Variants in OR7A17 observed in about 807,000 individuals in gnomAD.
The protein encoded by OR7A17 is olfactory receptor 7A17.
For synonymous variants in OR7A17, 159 were observed against 142.1 expected, an observed-to-expected ratio of 1.12 and a Z score of -0.85; for missense variants, 366 against 365.5, an observed-to-expected ratio of 1.00 and a Z score of -0.01.
Position 14,881,085 on chromosome 19 carries a change from C to T in OR7A17, c.271G>A (p.Val91Ile), listed in dbSNP as rs775164095. 2 of 1,614,174 alleles carry T rather than the reference C, an allele frequency of 1.2e-6. No individual in the cohort carries two copies. Among genetic ancestry groups the T allele is most frequent in the East Asian group, 4.5e-5 (2 of 44,882 alleles). Residue 91 changes from valine to isoleucine, a missense_variant, in exon 3 of 3, where the codon GTC becomes ATC. Physicochemically the swap from Val to Ile is conservative, Grantham distance 29. Coordinates refer to ENST00000641113, the MANE Select transcript of OR7A17 (RefSeq NM_030901.2). ...MLINIQTQSR[V>I]ITYAGCITQM... ...GTGATGCAGCCTGCATAGGTGATGACTCTGCTCTGTGTCTGGATGTTAATG... is the reference window on the plus strand; with the variant it reads ...GTGATGCAGCCTGCATAGGTGATGATTCTGCTCTGTGTCTGGATGTTAATG...
At chr19:14,885,487 A>G (rs2045131762) in intron 1 of OR7A17, among the ~76,000 whole-genome samples, 1 of 152,122 alleles carries the variant, frequency 6.6e-6, no homozygotes, top group South Asian at 2.1e-4. Flanking sequence ...GCAATAATAG[A>G]CAGAGAGCCA....
At chr19:14,882,199 G>T (rs1464986117) in intron 1 of OR7A17, among the ~76,000 whole-genome samples, 1 of 152,048 alleles carries the variant, frequency 6.6e-6, no homozygotes. Flanking sequence ...GATGTTCAGG[G>T]TACTGTATAG....
At position 14,881,379 on chromosome 19, in the gene OR7A17, T is replaced by C; in HGVS notation, c.-24A>G. The stretch of plus-strand genomic sequence containing the variant: ...ATCTTTTTTTTTCTATTTATTTATT[T>C]ATTTATTTATTTATTTATTTATTTA... On this transcript the variant is annotated 5_prime_UTR_variant, in exon 3 of 3. It adds an upstream start codon to the 5' untranslated region. Coordinates refer to ENST00000641113, the MANE Select transcript of OR7A17 (RefSeq NM_030901.2). The C allele has an allele frequency of 9.5e-7, 1 of 1,053,016 alleles. No individual in the cohort carries two copies. The highest frequency in any genetic ancestry group is 1.2e-6 in the Non-Finnish European group (1 of 836,794). The allele number at this position is 1,053,016 out of a possible 1,614,324, so 65.2% of individuals were successfully genotyped here.
Position 14,880,796 on chromosome 19 carries a change from A to G in OR7A17, c.560T>C (p.Leu187Pro). ...FFCELNQVIH[L>P]ACSDTFLNDM... ...ATTAAGAAAGGTGTCAGAACAGGCA[A>G]GGTGGATGACCTGATTAAGTTCACA... The change falls in exon 3 of 3, where the codon CTT becomes CCT. Residue 187 changes from leucine to proline, a missense_variant. Coordinates refer to ENST00000641113, the MANE Select transcript of OR7A17 (RefSeq NM_030901.2). 6.2e-7 allele frequency: 1 copy of G among 1,614,246 alleles called. No homozygotes were observed. The highest frequency in any genetic ancestry group is 1.3e-5 in the African/African-American group (1 of 75,064).
chr19:14,883,845 G>T (rs542240428), intron 1 of OR7A17, among the ~76,000 whole-genome samples: 2 of 152,164 alleles, frequency 1.3e-5, no homozygotes, highest in Non-Finnish European at 2.9e-5. Flanking sequence ...AAATGATTTA[G>T]TTTATTGGCA....
In OR7A17 at chr19:14,881,403, T is replaced by TATTA. The variant is rs761463156; in HGVS notation, c.-52_-49dup. 2.9e-5 allele frequency: 30 copies of TATTA among 1,037,322 alleles called. No homozygotes were observed. In the South Asian group the frequency reaches 3.1e-4, roughly 11 times the overall value. The allele number at this position is 1,037,322 out of a possible 1,614,324, so 64.3% of individuals were successfully genotyped here. On this transcript the variant is annotated 5_prime_UTR_variant, in exon 3 of 3. An upstream open reading frame in the 5' UTR loses its in-frame stop. Transcript: ENST00000641113. Reference sequence around the variant, plus strand: ...TTATTTATTTATTTATTTATTTATTTATTAACATAGACAGGGTCTCTCACT... The same window carrying TATTA: ...TTATTTATTTATTTATTTATTTATTTATTAATTAACATAGACAGGGTCTCTCACT...
rs758462262 is a variant in OR7A17 at position 14,880,797 on chromosome 19, G to A, written c.559C>T (p.Leu187Phe). The stretch of plus-strand genomic sequence containing the variant: ...TTAAGAAAGGTGTCAGAACAGGCAA[G>A]GTGGATGACCTGATTAAGTTCACAG... ...FFCELNQVIH[L>F]ACSDTFLNDM... Residue 187 changes from leucine to phenylalanine, a missense_variant, in exon 3 of 3, where the codon CTT (leucine) becomes TTT (phenylalanine). Coordinates refer to ENST00000641113, the MANE Select transcript of OR7A17 (RefSeq NM_030901.2). 6.2e-7 allele frequency: 1 copy of A among 1,614,098 alleles called. No homozygotes were observed. The highest frequency in any genetic ancestry group is 1.3e-5 in the African/African-American group (1 of 74,938).
chr19:14,880,610 G>A lies in OR7A17; in HGVS notation c.746C>T (p.Ser249Phe), dbSNP rs2045102850. The A allele has an allele frequency of 1.9e-6, 3 of 1,614,178 alleles. No homozygotes were observed. Among genetic ancestry groups the A allele is most frequent in the African/African-American group, 2.7e-5 (2 of 75,044 alleles). The part of the protein sequence containing the change: ...STCASHLSVV[S>F]LFCCTGLGVY... ...ACCTAGGCCCGTACAACAAAATAAA[G>A]AGACAACTGAGAGGTGTGATGCACA... Residue 249 changes from serine to phenylalanine, a missense_variant, in exon 3 of 3, where the codon TCT becomes TTT. By Grantham distance (155) the Ser-to-Phe change is radical (BLOSUM62 -2). Coordinates refer to ENST00000641113, the MANE Select transcript of OR7A17 (RefSeq NM_030901.2).
Position 14,880,308 on chromosome 19 carries a change from C to T in OR7A17, c.*118G>A. 2.6e-6 allele frequency: 2 copies of T among 761,740 alleles called. No individual in the cohort carries two copies. The highest frequency in any genetic ancestry group is 4.0e-6 in the Non-Finnish European group (2 of 503,072). 47.2% of individuals were successfully genotyped at this position (761,740 alleles called of 1,614,324 possible). ...TCAGTTGAGATCAAAGAAATTGAAA[C>T]TCTGAGAAAAAATAGAAGGAGCAAA... On this transcript the variant is annotated 3_prime_UTR_variant, in exon 3 of 3. Coordinates refer to ENST00000641113, the MANE Select transcript of OR7A17 (RefSeq NM_030901.2).
Position 14,880,284 on chromosome 19 carries a change from C to G in OR7A17, c.*142G>C. On this transcript the variant is annotated 3_prime_UTR_variant, in exon 3 of 3. Transcript: ENST00000641113. The stretch of plus-strand genomic sequence containing the variant: ...TAAAGGAATACATTAAATTCTATGT[C>G]AGTTGAGATCAAAGAAATTGAAACT... 1.8e-6 allele frequency: 1 copy of G among 567,302 alleles called. No individual in the cohort carries two copies. The highest frequency in any genetic ancestry group is 3.0e-6 in the Non-Finnish European group (1 of 336,282). 35.1% of individuals were successfully genotyped at this position (567,302 alleles called of 1,614,324 possible).
In OR7A17 at chr19:14,881,411, TAGAC is replaced by T. The variant is rs1215868778; in HGVS notation, c.-60_-57del. ...TTATTTATTTATTTATTTATTAACA[TAGAC>T]AGGGTCTCTCACTCTGTTGCCAACG... On this transcript the variant is annotated 5_prime_UTR_variant, in exon 3 of 3. The change abolishes the stop of an existing upstream ORF in the 5' untranslated region. Coordinates refer to ENST00000641113, the MANE Select transcript of OR7A17 (RefSeq NM_030901.2). 17 of 996,880 alleles carry T rather than the reference TAGAC, an allele frequency of 1.7e-5. No homozygotes were observed. The highest frequency in any genetic ancestry group is 4.0e-5 in the African/African-American group (2 of 49,892). 61.8% of individuals were successfully genotyped at this position (996,880 alleles called of 1,614,324 possible).
chr19:14,884,754 C>T (rs73011259), intron 1 of OR7A17: 8,030 of 152,186 alleles, frequency 0.053, 344 homozygotes, highest in African/African-American at 0.11. Context: ...AAAAGAGGGA[C>T]TCCTCCCCAG....
intron 1 of OR7A17, among the ~76,000 whole-genome samples, chr19:14,883,635 A>G (rs1179059152): frequency 6.6e-6 from 1 of 152,148 alleles, no homozygotes. Context: ...TTAAGTTTGT[A>G]TTTTCACAAA....
At position 14,879,449 on chromosome 19, in the gene OR7A17, C is replaced by G. The variant is rs62124861; in HGVS notation, c.*977G>C. The G allele has an allele frequency of 0.38, 57,350 of 151,778 alleles. 12,507 individuals carry two copies. Among genetic ancestry groups the G allele is most frequent in the East Asian group, 0.64 (3,193 of 5,014 alleles). The allele number at this position is 151,778 out of a possible 1,614,324, so 9.4% of individuals were successfully genotyped here. A position where few individuals can be genotyped will look rare whatever the true frequency, so the allele number is the denominator to read the frequency against. Reference sequence around the variant, plus strand: ...GCTAATTTTGTATTTTTGGTAGAGACGGGGTTTCTCCCTGTTGGTCAGCCT... The same window carrying G: ...GCTAATTTTGTATTTTTGGTAGAGAGGGGGTTTCTCCCTGTTGGTCAGCCT... On this transcript the variant is annotated 3_prime_UTR_variant, in exon 3 of 3. Transcript: ENST00000641113.
At chr19:14,884,717 CCTT>C (rs557492225) in intron 1 of OR7A17, 2 of 152,158 alleles carry the variant, frequency 1.3e-5, no homozygotes, top group Non-Finnish European at 2.9e-5. Flanking sequence ...TGGTATCACT[CCTT>C]CTGAAACGAT....
At position 14,881,325 on chromosome 19, in the gene OR7A17, C is replaced by G. The variant is rs1404293575; in HGVS notation, c.31G>C (p.Glu11Gln). The change falls in exon 3 of 3, where the codon GAA (glutamate) becomes CAA (glutamine). Residue 11 changes from glutamate (E) to glutamine (Q), a missense_variant. Coordinates refer to ENST00000641113, the MANE Select transcript of OR7A17 (RefSeq NM_030901.2). ...TCAGAAAGTCCCAGAAGAACAAATT[C>G]TGAAATCCCTGTGTCATTCTCTGGT... is the stretch of plus-strand genomic sequence containing the variant. MEPENDTGIS[E>Q]FVLLGLSEEP... 6.4e-7 allele frequency: 1 copy of G among 1,571,228 alleles called. No individual in the cohort carries two copies. Among genetic ancestry groups the G allele is most frequent in the Non-Finnish European group, 8.6e-7 (1 of 1,157,380 alleles).
chr19:14,880,919 A>C lies in OR7A17; in HGVS notation c.437T>G (p.Leu146Arg), dbSNP rs1482888436. The C allele has an allele frequency of 1.9e-6, 3 of 1,614,088 alleles. No individual in the cohort carries two copies. The highest frequency in any genetic ancestry group is 2.5e-6 in the Non-Finnish European group (3 of 1,180,030). The change falls in exon 3 of 3, where the codon CTG (leucine) becomes CGG (arginine). Residue 146 changes from leucine to arginine, a missense_variant. Leu to Arg is a moderately radical substitution (Grantham distance 102). Transcript: ENST00000641113. ...CAGGGCAGCAATCATCCAGGATGCC[A>C]GAACCAGGAGTCCACAGAGCCGAGG... ...MNPRLCGLLV[L>R]ASWMIAALNS...
intron 1 of OR7A17, among the ~76,000 whole-genome samples, chr19:14,884,469 C>T (rs549547573): frequency 1.3e-4 from 20 of 152,242 alleles, no homozygotes; most frequent in African/African-American, 4.8e-4. Context: ...GAAATACAAA[C>T]TCCCATCAGA....
intron 1 of OR7A17, among the ~76,000 whole-genome samples, chr19:14,883,155 C>A (rs2045120405): frequency 6.6e-6 from 1 of 152,144 alleles, no homozygotes; most frequent in Non-Finnish European, 1.5e-5. Flanking sequence ...ACTATTGAAT[C>A]CTGGCTGGGC....
Sources: gnomAD v4.1 joint callset for allele counts (sites outside exome capture counted in the v4.1 genomes callset) on GRCh38, gnomAD v4.1.1 for gene constraint, MANE v1.5 for transcripts, NCBI Gene and HGNC (gene_info 2026-07-23, HGNC 2026-07-21) for gene names.